NR3C2: variants seen among roughly 807,000 people sequenced by gnomAD.
NR3C2 encodes the protein mineralocorticoid receptor.
NR3C2 carries 15 observed loss-of-function variants against 86.4 expected under a neutral mutation model. The ratio of observed to expected loss-of-function variants is 0.17; its 90% CI spans 0.12 to 0.27. The LOEUF is 0.27. Ranked by LOEUF, NR3C2 falls within the 10% of genes least tolerant of loss-of-function variation. The pLI is 1.00. For synonymous variants in NR3C2, 458 were observed against 450.5 expected (o/e 1.02, Z -0.21); for missense variants, 960 against 1,195.6 (o/e 0.80, Z 2.91).
At chr4:148,417,701 C>T (rs900690816) in intron 2 of NR3C2, among the ~76,000 whole-genome samples, 1 of 152,190 alleles carries the variant, frequency 6.6e-6, no homozygotes, top group Non-Finnish European at 1.5e-5. Flanking sequence ...CAAAAACTCT[C>T]ATGGGCCTTT....
intron 3 of NR3C2, among the ~76,000 whole-genome samples, chr4:148,220,125 C>T (rs1014833659): frequency 2.6e-5 from 4 of 151,950 alleles, no homozygotes; most frequent in African/African-American, 9.7e-5. Context: ...CTCACTGTGT[C>T]CCCCAGGCTG....
intron 2 of NR3C2, among the ~76,000 whole-genome samples, chr4:148,299,698 A>G (rs1450778504): frequency 1.3e-5 from 2 of 152,238 alleles, no homozygotes; most frequent in African/African-American, 2.4e-5. Context: ...AGAAACCTAC[A>G]TGCATAAGAA....
At chr4:148,217,473 G>A (rs1579025565) in intron 3 of NR3C2, among the ~76,000 whole-genome samples, 1 of 152,176 alleles carries the variant, frequency 6.6e-6, no homozygotes, top group Non-Finnish European at 1.5e-5. Context: ...GAGGCTACTT[G>A]TGCAATGGAG....
At chr4:148,086,359 C>T (rs1184917794) in intron 8 of NR3C2, among the ~76,000 whole-genome samples, 2 of 152,192 alleles carry the variant, frequency 1.3e-5, no homozygotes, top group Admixed American at 1.3e-4. Context: ...ATTACATAAA[C>T]AGAACCAATG....
chr4:148,364,685 T>A (rs1215643845), intron 2 of NR3C2, among the ~76,000 whole-genome samples: 1 of 152,202 alleles, frequency 6.6e-6, no homozygotes, highest in Non-Finnish European at 1.5e-5. Context: ...TACTTTCCTA[T>A]GTTGATGGGT....
chr4:148,150,123 C>T (rs1365064701), intron 6 of NR3C2, among the ~76,000 whole-genome samples: 2 of 152,110 alleles, frequency 1.3e-5, no homozygotes, highest in Admixed American at 6.5e-5. Flanking sequence ...TCATAATAGT[C>T]AAAGGTGGAA....
chr4:148,103,035 A>G (rs1290779423), intron 8 of NR3C2, among the ~76,000 whole-genome samples: 1 of 151,958 alleles, frequency 6.6e-6, no homozygotes, highest in African/African-American at 2.4e-5. Context: ...ATACAAGGAC[A>G]TTCTCTATTT....
intron 2 of NR3C2, among the ~76,000 whole-genome samples, chr4:148,324,509 G>A (rs954312952): frequency 6.6e-6 from 1 of 152,066 alleles, no homozygotes; most frequent in African/African-American, 2.4e-5. Context: ...GTAGAAGAGT[G>A]GTTGGCAAGA....
intron 2 of NR3C2, among the ~76,000 whole-genome samples, chr4:148,311,074 C>T (rs1030201095): frequency 6.6e-6 from 1 of 152,144 alleles, no homozygotes; most frequent in Non-Finnish European, 1.5e-5. Flanking sequence ...TGTTTGCTTT[C>T]CAGACACTAT....
intron 2 of NR3C2, among the ~76,000 whole-genome samples, chr4:148,385,000 T>A (rs1479766304): frequency 6.6e-6 from 1 of 152,200 alleles, no homozygotes; most frequent in Admixed American, 6.5e-5. Context: ...TCTTCCCATG[T>A]CCATTTTGTC....
In NR3C2 at chr4:148,152,504, T is replaced by C. The variant is rs1438464902; in HGVS notation, c.2475A>G (p.Gln825=). 5 of 1,613,998 alleles carry C rather than the reference T, an allele frequency of 3.1e-6. No individual in the cohort carries two copies. The highest frequency in any genetic ancestry group is 2.2e-5 in the East Asian group (1 of 44,884). ...SWRSYKHTNS[Q]FLYFAPDLVF... is the part of the protein sequence containing the mutation. The stretch of plus-strand genomic sequence containing the variant: ...CTAGGTCTGGTGCAAAATAGAGAAA[T>C]TGGCTGTTCGTATGTTTGTACGATC... Residue 825 remains glutamine (Q), a synonymous_variant, in exon 6 of 9, where the codon CAA becomes CAG. Transcript: ENST00000358102.
intron 2 of NR3C2, among the ~76,000 whole-genome samples, chr4:148,319,151 C>T (rs79097054): frequency 0.99 from 150,069 of 151,110 alleles, 74,528 homozygotes; most frequent in East Asian, 1. Flanking sequence ...CCCCATTGCT[C>T]GTTTTTCTCA....
chr4:148,096,463 A>G (rs1392503304), intron 8 of NR3C2, among the ~76,000 whole-genome samples: 1 of 152,112 alleles, frequency 6.6e-6, no homozygotes, highest in African/African-American at 2.4e-5. Context: ...AATCTCCCCA[A>G]AAAAGGAACA....
intron 2 of NR3C2, among the ~76,000 whole-genome samples, chr4:148,343,786 C>G (rs1274239525): frequency 6.6e-6 from 1 of 152,056 alleles, no homozygotes; most frequent in Non-Finnish European, 1.5e-5. Context: ...AAAAAAATTG[C>G]AAAGGAGAAA....
At chr4:148,319,296 G>A (rs1199119808) in intron 2 of NR3C2, among the ~76,000 whole-genome samples, 9 of 152,138 alleles carry the variant, frequency 5.9e-5, no homozygotes, top group South Asian at 2.1e-4. Context: ...AGTATAGTTC[G>A]AAGTCAGGTA....
At chr4:148,333,387 A>C (rs551765032) in intron 2 of NR3C2, among the ~76,000 whole-genome samples, 2 of 152,084 alleles carry the variant, frequency 1.3e-5, no homozygotes, top group South Asian at 2.1e-4. Context: ...ACAAACAAAC[A>C]AACCTCTGAT....
intron 2 of NR3C2, among the ~76,000 whole-genome samples, chr4:148,346,353 G>A (rs1033231992): frequency 2.0e-5 from 3 of 152,228 alleles, no homozygotes; most frequent in Admixed American, 2.0e-4. Flanking sequence ...ATGGGGAACA[G>A]CGAACAGATC....
At chr4:148,317,652 G>C (rs1032127434) in intron 2 of NR3C2, among the ~76,000 whole-genome samples, 1 of 151,958 alleles carries the variant, frequency 6.6e-6, no homozygotes, top group African/African-American at 2.4e-5. Context: ...ATGATGTTCA[G>C]TTTTAATTTT....
At chr4:148,397,657 C>T (rs1014919218) in intron 2 of NR3C2, among the ~76,000 whole-genome samples, 1 of 152,064 alleles carries the variant, frequency 6.6e-6, no homozygotes, top group African/African-American at 2.4e-5. Context: ...CCCTAAGCAC[C>T]TTATTTCAAT....
Sources: allele counts gnomAD v4.1 joint callset (sites outside exome capture counted in the v4.1 genomes callset), GRCh38; gene constraint gnomAD v4.1.1; transcripts MANE v1.5; gene names NCBI Gene and HGNC (gene_info 2026-07-23, HGNC 2026-07-21).